ARHGEF10L: variants seen among roughly 807,000 people sequenced by gnomAD.
The protein encoded by ARHGEF10L is Rho guanine nucleotide exchange factor 10 like, also known as rho guanine nucleotide exchange factor 10-like protein.
In ARHGEF10L, 69 loss-of-function variants were observed where a neutral mutation model predicts 141.2. The ratio of observed to expected loss-of-function variants is 0.49; its 90% confidence interval spans 0.40 to 0.60. The LOEUF (loss-of-function observed/expected upper bound fraction) is 0.60. Among genes scored for constraint, ARHGEF10L ranks in the 20% least tolerant of loss-of-function variants. The probability of loss-of-function intolerance (pLI) is 0.00; values close to 1 mark genes in which losing one functional copy is unlikely to be tolerated. For synonymous variants in ARHGEF10L, 711 were observed against 718.5 expected (o/e 0.99, Z 0.17); for missense variants, 1,482 against 1,734.3 (o/e 0.85, Z 2.58).
chr1:17,622,032 G>C, intron 11 of ARHGEF10L, 91 bp downstream of exon 11: 1 of 1,367,380 alleles, frequency 7.3e-7, no homozygotes, highest in Non-Finnish European at 1.0e-6. Flanking sequence ...GGGACTGTGG[G>C]CAGTTTTAAG....
chr1:17,688,258 C>T (rs912031509), intron 27 of ARHGEF10L, among the ~76,000 whole-genome samples: 10 of 152,200 alleles, frequency 6.6e-5, no homozygotes, highest in African/African-American at 2.4e-4. Flanking sequence ...GCTGGGGCCC[C>T]TCCTGCGTAG....
At chr1:17,533,428 C>T in the ARHGEF10L span, among the ~76,000 whole-genome samples, 2 of 152,118 alleles carry the variant, frequency 1.3e-5, no homozygotes, top group Non-Finnish European at 2.9e-5. Context: ...CCTTGCCCTC[C>T]CAAAATGCTG....
At chr1:17,539,434 C>T (rs531327878), upstream of ARHGEF10L, among the ~76,000 whole-genome samples, 95 of 152,230 alleles carry the variant, frequency 6.2e-4, 2 homozygotes, top group Middle Eastern at 6.8e-3. This position sits in a 1 kb window ranked among gnomAD's most constrained non-coding sequence, Gnocchi z 6.0. Context: ...AGTGGGGACC[C>T]CGGGGTAGGT....
At position 17,600,441 on chromosome 1, in the gene ARHGEF10L, G is replaced by A. The variant is rs571536549; in HGVS notation, c.258-1686G>A. 1.3e-4 allele frequency among the ~76,000 whole-genome samples: 20 copies of A among 152,250 alleles called. No homozygotes were observed. The East Asian group carries it at 2.5e-3, about 19-fold the overall frequency. On this transcript the variant is annotated intron_variant, in intron 4 of 28. Coordinates refer to ENST00000361221, the MANE Select transcript of ARHGEF10L (RefSeq NM_018125.4). ...GAACCTGGACTTCAAAAAAATTCAC[G>A]TTAGAATAGCTTTAGATTTTCAGAG... is the stretch of plus-strand genomic sequence containing the variant.
At position 17,586,895 on chromosome 1, in the gene ARHGEF10L, C is replaced by A. The variant is rs368292488; in HGVS notation, c.38-565C>A. On this transcript the variant is annotated intron_variant, in intron 2 of 28. Coordinates refer to ENST00000361221, the MANE Select transcript of ARHGEF10L (RefSeq NM_018125.4). ...CAGGGAATGAGGCCTAGCAAGCTGA[C>A]CTCCATGCTGAGAGCTTGGTGCCTT... is the stretch of plus-strand genomic sequence containing the variant. Among the ~76,000 whole-genome samples, 12 of 152,238 alleles carry A rather than the reference C, an allele frequency of 7.9e-5. No homozygotes were observed. The South Asian group carries it at 1.2e-3, about 16-fold the overall frequency.
intron 7 of ARHGEF10L, among the ~76,000 whole-genome samples, chr1:17,610,382 C>T (rs898942209): frequency 1.3e-5 from 2 of 152,132 alleles, no homozygotes; most frequent in Non-Finnish European, 2.9e-5. Flanking sequence ...CACTCTCAGG[C>T]TGGGGGCTTT....
At position 17,634,898 on chromosome 1, in the gene ARHGEF10L, G is replaced by C; in HGVS notation, c.1809G>C (p.Thr603=). Residue 603 remains threonine, a synonymous_variant, in exon 18 of 29, where the codon ACG becomes ACC. Transcript: ENST00000361221. Reference sequence around the variant, plus strand: ...CCAAGTATGTGGTGAAGTGGAACACGGCGCTGCCCCAGGTGCAGGTGGTGG... The same window carrying C: ...CCAAGTATGTGGTGAAGTGGAACACCGCGCTGCCCCAGGTGCAGGTGGTGG... ...LGPKYVVKWN[T]ALPQVQVVEV... 8 of 1,614,104 alleles carry C rather than the reference G, an allele frequency of 5.0e-6. No individual in the cohort carries two copies. The highest frequency in any genetic ancestry group is 6.8e-6 in the Non-Finnish European group (8 of 1,179,978).
In ARHGEF10L at chr1:17,573,701, C is replaced by T. The variant is rs543318040; in HGVS notation, c.-43-6852C>T. On this transcript the variant is annotated intron_variant, in intron 1 of 28. Transcript: ENST00000361221. The surrounding 1 kb of genome is among the most constrained non-coding windows in gnomAD (Gnocchi z 4.8). Reference sequence around the variant, plus strand: ...GCTCTGGTTTCCCAGGCAACAGCCCCCAGGGGTCCCCTCTGGCCTGGCCTC... The same window carrying T: ...GCTCTGGTTTCCCAGGCAACAGCCCTCAGGGGTCCCCTCTGGCCTGGCCTC... 6.6e-6 allele frequency among the ~76,000 whole-genome samples: 1 copy of T among 152,008 alleles called. No homozygotes were observed. Among genetic ancestry groups the T allele is most frequent in the South Asian group, 2.1e-4 (1 of 4,820 alleles).
chr1:17,613,116 T>C lies in ARHGEF10L; in HGVS notation c.668T>C (p.Leu223Ser), dbSNP rs2101127755. The C allele has an allele frequency of 1.2e-6, 2 of 1,614,122 alleles. No homozygotes were observed. Among genetic ancestry groups the C allele is most frequent in the Middle Eastern group, 1.7e-4 (1 of 6,060 alleles). The change falls in exon 8 of 29, where the codon TTG becomes TCG. Residue 223 changes from leucine (L) to serine (S), a missense_variant. Physicochemically the swap from Leu to Ser is moderately radical, Grantham distance 145. Around this residue, in one of 3 missense-constraint regions of ARHGEF10L, gnomAD observed 392 missense variants for 542.1 expected, o/e 0.72. Coordinates refer to ENST00000361221, the MANE Select transcript of ARHGEF10L (RefSeq NM_018125.4). ...ERYARTKRDI[L>S]ALRVGGRDMQ... is the part of the protein sequence containing the mutation. ...TACGCCAGGACTAAGAGAGACATCT[T>C]GGCTTTGAGAGTTGGGGGGAGAGAC...
intron 4 of ARHGEF10L, among the ~76,000 whole-genome samples, chr1:17,591,213 A>C (rs1290727385): frequency 1.3e-5 from 2 of 152,186 alleles, no homozygotes; most frequent in Non-Finnish European, 2.9e-5. Context: ...GCTGAGCCAC[A>C]GGCTGTGCTA....
At chr1:17,591,133 G>A (rs957896889) in intron 4 of ARHGEF10L, among the ~76,000 whole-genome samples, 4 of 152,242 alleles carry the variant, frequency 2.6e-5, no homozygotes, top group Admixed American at 6.5e-5. Flanking sequence ...GAAGGGAAGC[G>A]CAGAGTGGTT....
intron 2 of ARHGEF10L, among the ~76,000 whole-genome samples, chr1:17,585,614 T>C (rs1438464250): frequency 1.3e-5 from 2 of 152,166 alleles, no homozygotes; most frequent in African/African-American, 2.4e-5. Flanking sequence ...TGGGCTTCCA[T>C]TGCAGTCGAG....
chr1:17,691,185 T>G lies in ARHGEF10L; in HGVS notation c.3184+3438T>G, dbSNP rs576578842. ...TTAAAGTTGTATATCTCCAGATAGA[T>G]GGCTTGGGTGAGTTGAACACTGCCG... On this transcript the variant is annotated intron_variant, in intron 27 of 28. Coordinates refer to ENST00000361221, the MANE Select transcript of ARHGEF10L (RefSeq NM_018125.4). The G allele has an allele frequency of 4.9e-5, 22 of 452,090 alleles. No individual in the cohort carries two copies. The East Asian group carries it at 1.5e-3, about 32-fold the overall frequency. 28.0% of individuals were successfully genotyped at this position (452,090 alleles called of 1,614,324 possible).
intron 27 of ARHGEF10L, chr1:17,689,614 C>CCTCCCTACCTCCCTCT (rs2064939643): frequency 6.2e-6 from 1 of 160,372 alleles, no homozygotes; most frequent in Non-Finnish European, 1.2e-5. Flanking sequence ...CTCCCTCCTT[C>CCTCCCTACCTCCCTCT]CTCCCTCCCT....
intron 27 of ARHGEF10L, among the ~76,000 whole-genome samples, chr1:17,689,470 C>G (rs1187137465): frequency 6.5e-5 from 1 of 15,292 alleles, no homozygotes; most frequent in Non-Finnish European, 1.3e-4. Flanking sequence ...TCCCTCCCTC[C>G]CTGCCTCCTT....
At chr1:17,586,769 G>A (rs2079056274) in intron 2 of ARHGEF10L, among the ~76,000 whole-genome samples, 1 of 152,138 alleles carries the variant, frequency 6.6e-6, no homozygotes, top group South Asian at 2.1e-4. Flanking sequence ...ACCTCCTGTA[G>A]TAGGGTAGGC....
chr1:17,634,335 C>A, intron 16 of ARHGEF10L: 1 of 730,650 alleles, frequency 1.4e-6, no homozygotes, highest in Non-Finnish European at 2.4e-6. Flanking sequence ...ATCATCTAAG[C>A]TTCCTAGCGG....
intron 1 of ARHGEF10L, among the ~76,000 whole-genome samples, chr1:17,543,304 C>T (rs2076797146): frequency 6.6e-6 from 1 of 152,132 alleles, no homozygotes; most frequent in African/African-American, 2.4e-5. Flanking sequence ...ATTCTGAGGC[C>T]AGGAGCGATG....
chr1:17,631,554 C>T (rs2060692863), intron 15 of ARHGEF10L, among the ~76,000 whole-genome samples: 1 of 152,238 alleles, frequency 6.6e-6, no homozygotes, highest in East Asian at 1.9e-4. Flanking sequence ...GCCTGCTCCA[C>T]TGTGAAGACC....
Sources: allele counts gnomAD v4.1 joint callset (sites outside exome capture counted in the v4.1 genomes callset), GRCh38; gene constraint gnomAD v4.1.1; regional missense constraint gnomAD v4.1.1; non-coding constraint Gnocchi (gnomAD v3.1); transcripts MANE v1.5; gene names NCBI Gene and HGNC (gene_info 2026-07-23, HGNC 2026-07-21).